VAV2: variants seen among roughly 807,000 people sequenced by gnomAD.
VAV2 encodes the protein vav guanine nucleotide exchange factor 2.
In VAV2, 67 loss-of-function variants were observed where a neutral mutation model predicts 132.5. The ratio of observed to expected loss-of-function variants is 0.51; its 90% CI spans 0.42 to 0.62. The LOEUF (loss-of-function observed/expected upper bound fraction) is 0.62. VAV2 is among the 20% of genes least tolerant of loss of function. VAV2 has a pLI of 0.00. For synonymous variants in VAV2, 492 were observed against 443.5 expected, an observed-to-expected ratio of 1.11 and a Z score of -1.37; for missense variants, 938 against 1,153.6, an observed-to-expected ratio of 0.81 and a Z score of 2.71.
intron 23 of VAV2, 51 bp downstream of exon 23, chr9:133,777,338 C>T (rs757856771): frequency 6.3e-7 from 1 of 1,598,902 alleles, no homozygotes. Context: ...TCCCAGAACC[C>T]TCAGCACCCA....
intron 2 of VAV2, among the ~76,000 whole-genome samples, chr9:133,916,587 G>T (rs1221923781): frequency 6.6e-6 from 1 of 152,072 alleles, no homozygotes; most frequent in Non-Finnish European, 1.5e-5. Flanking sequence ...TGGAGAAGGG[G>T]AAAGGAGGGG....
In VAV2 at chr9:133,804,976, C is replaced by T. The variant is rs555675418; in HGVS notation, c.836+1105G>A. Among the ~76,000 whole-genome samples, 25 of 152,316 alleles carry T rather than the reference C, an allele frequency of 1.6e-4. No homozygotes were observed. The highest frequency in any genetic ancestry group is 6.0e-4 in the African/African-American group (25 of 41,572). On this transcript the variant is annotated intron_variant, in intron 9 of 29. Transcript: ENST00000371850. The surrounding 1 kb of genome is among the most constrained non-coding windows in gnomAD (Gnocchi z 4.5). Reference sequence around the variant, plus strand: ...CTGGAGAGCAGGCTCCAGGACCCTCCTCACAGGGAAGGGGGGAGCGCCTTT... The same window carrying T: ...CTGGAGAGCAGGCTCCAGGACCCTCTTCACAGGGAAGGGGGGAGCGCCTTT...
At chr9:133,962,990 C>G (rs1272075334) in intron 1 of VAV2, among the ~76,000 whole-genome samples, 1 of 152,148 alleles carries the variant, frequency 6.6e-6, no homozygotes, top group Non-Finnish European at 1.5e-5. Context: ...GACTTTTCAT[C>G]CACTTTAGTC....
intron 2 of VAV2, among the ~76,000 whole-genome samples, chr9:133,914,513 C>T (rs1013595907): frequency 5.5e-5 from 8 of 145,992 alleles, no homozygotes; most frequent in African/African-American, 1.5e-4. Flanking sequence ...TCAAAGGGCG[C>T]GCAGCGTGTG....
chr9:133,764,924 G>A (rs533350166), intron 29 of VAV2, among the ~76,000 whole-genome samples: 29 of 152,196 alleles, frequency 1.9e-4, no homozygotes, highest in South Asian at 4.1e-4. Flanking sequence ...CAAATCCTAA[G>A]CAGAATAAAT....
chr9:133,909,692 A>G (rs528833909), intron 2 of VAV2, among the ~76,000 whole-genome samples: 11 of 152,316 alleles, frequency 7.2e-5, no homozygotes, highest in Admixed American at 6.5e-4. Flanking sequence ...ACAGCCTTAC[A>G]GAAGATGGCA....
intron 1 of VAV2, among the ~76,000 whole-genome samples, chr9:133,980,124 T>C (rs1298148736): frequency 6.6e-6 from 1 of 152,146 alleles, no homozygotes; most frequent in East Asian, 1.9e-4. Flanking sequence ...AGGGCAGAGC[T>C]GGTCAGCCCT....
chr9:133,852,876 C>A (rs915074117), intron 3 of VAV2, among the ~76,000 whole-genome samples: 7 of 150,604 alleles, frequency 4.6e-5, no homozygotes, highest in Admixed American at 2.6e-4. Flanking sequence ...CCCATTGGGC[C>A]CCCCCTGCCA....
rs1024006695 is a variant in VAV2, at chr9:133,783,553, C to T, written c.1673G>A (p.Gly558Asp). ...FYQGYMCTKC[G>D]VGAHKECLEV... The stretch of plus-strand genomic sequence containing the variant: ...CAGGCACTCCTTGTGTGCCCCGACG[C>T]CACACTTGGTACACATGTATCCCTG... The change falls in exon 19 of 30, where the codon GGC (glycine) becomes GAC (aspartate). Residue 558 changes from glycine (G) to aspartate (D), a missense_variant. Physicochemically the swap from Gly to Asp is moderately conservative, Grantham distance 94. Transcript: ENST00000371850. 11 of 1,613,874 alleles carry T rather than the reference C, an allele frequency of 6.8e-6. No individual in the cohort carries two copies. The highest frequency in any genetic ancestry group is 2.2e-5 in the East Asian group (1 of 44,890).
In VAV2 at chr9:133,961,499, G is replaced by T. The variant is rs1220385964; in HGVS notation, c.205-22280C>A. ...CCCAGTCGGGTTTCAGTGACCCAAG[G>T]TCAGAGGCATGGAGGGAGCCCTTTC... On this transcript the variant is annotated intron_variant, in intron 1 of 29. Transcript: ENST00000371850. The surrounding 1 kb of genome is among the most constrained non-coding windows in gnomAD (Gnocchi z 4.1). 1.3e-5 allele frequency among the ~76,000 whole-genome samples: 2 copies of T among 152,274 alleles called. No homozygotes were observed. Among genetic ancestry groups the T allele is most frequent in the Non-Finnish European group, 2.9e-5 (2 of 68,026 alleles).
intron 29 of VAV2, among the ~76,000 whole-genome samples, chr9:133,764,886 T>C (rs773460067): frequency 3.3e-5 from 5 of 152,126 alleles, no homozygotes; most frequent in Non-Finnish European, 5.9e-5. Flanking sequence ...GTGATGGACA[T>C]CAAGCCACAG....
At chr9:133,952,347 T>C (rs1380038009) in intron 1 of VAV2, among the ~76,000 whole-genome samples, 1 of 152,104 alleles carries the variant, frequency 6.6e-6, no homozygotes, top group Non-Finnish European at 1.5e-5. Flanking sequence ...CTCACGTCTA[T>C]AGTCCCAGCA....
rs1462164586 is a variant in VAV2 at position 133,928,378 on chromosome 9, C to T, written c.321+10725G>A. On this transcript the variant is annotated intron_variant, in intron 2 of 29. Coordinates refer to ENST00000371850, the MANE Select transcript of VAV2 (RefSeq NM_001134398.2). The surrounding 1 kb of genome is among the most constrained non-coding windows in gnomAD (Gnocchi z 5.4). ...AAGGCCTTTGCCAACAGCCCCTGCG[C>T]CGGGCTCTGCCGGGAGCCTGAGGCA... Among the ~76,000 whole-genome samples, 1 of 152,188 alleles carries T rather than the reference C, an allele frequency of 6.6e-6. No individual in the cohort carries two copies. Among genetic ancestry groups the T allele is most frequent in the Non-Finnish European group, 1.5e-5 (1 of 68,028 alleles).
intron 2 of VAV2, among the ~76,000 whole-genome samples, chr9:133,868,260 C>T (rs1196608721): frequency 6.6e-6 from 1 of 152,222 alleles, no homozygotes; most frequent in East Asian, 1.9e-4. Flanking sequence ...GGGCAACCTG[C>T]CCACAGCACA....
At position 133,784,422 on chromosome 9, in the gene VAV2, G is replaced by A; in HGVS notation, c.1533-4C>T. On this transcript the variant is annotated splice_polypyrimidine_tract_variant and splice_region_variant and intron_variant, in intron 17 of 29. Transcript: ENST00000371850. ...TTTGTCTGGCTTGATGTTTGACCTG[G>A]CAGGAGGGAAAGAGAGCAGATGCTA... is the stretch of plus-strand genomic sequence containing the variant. 1 of 1,614,044 alleles carries A rather than the reference G, an allele frequency of 6.2e-7. No homozygotes were observed. Among genetic ancestry groups the A allele is most frequent in the Non-Finnish European group, 8.5e-7 (1 of 1,179,928 alleles).
At chr9:133,849,807 C>T (rs901218210) in intron 3 of VAV2, among the ~76,000 whole-genome samples, 30 of 152,232 alleles carry the variant, frequency 2.0e-4, no homozygotes, top group African/African-American at 6.0e-4. Context: ...CCCTGTGTCT[C>T]TCCTCTGCGT....
At chr9:133,963,846 T>C (rs1350240463) in intron 1 of VAV2, among the ~76,000 whole-genome samples, 1 of 151,580 alleles carries the variant, frequency 6.6e-6, no homozygotes, top group African/African-American at 2.4e-5. Flanking sequence ...ATCAATGAAA[T>C]AAAGTACATG....
chr9:133,868,228 C>T (rs1837883172), intron 2 of VAV2, among the ~76,000 whole-genome samples: 1 of 152,232 alleles, frequency 6.6e-6, no homozygotes, highest in African/African-American at 2.4e-5. Flanking sequence ...ACCCGGGGCT[C>T]GGGTCTGTGT....
intron 2 of VAV2, among the ~76,000 whole-genome samples, chr9:133,938,427 G>A (rs1279501739): frequency 1.3e-5 from 2 of 152,156 alleles, no homozygotes; most frequent in Non-Finnish European, 2.9e-5. Flanking sequence ...AGGCTCACCA[G>A]GAGGCCACCA....
Sources: gnomAD v4.1 joint callset for allele counts (sites outside exome capture counted in the v4.1 genomes callset) on GRCh38, gnomAD v4.1.1 for gene constraint, Gnocchi (gnomAD v3.1) non-coding constraint, MANE v1.5 for transcripts, NCBI Gene and HGNC (gene_info 2026-07-23, HGNC 2026-07-21) for gene names.